The following CLCN3 variants were observed in gnomAD, a reference collection of about 807,000 sequenced individuals.
CLCN3 encodes the protein Cl-/H+ antiporter 3.
Under a neutral mutation model 83.4 loss-of-function variants are expected in CLCN3, and 16 were observed. That is an observed-to-expected ratio of 0.19 (90% CI 0.13 to 0.29). The LOEUF is 0.29. Ranked by LOEUF, CLCN3 falls within the 10% of genes least tolerant of loss-of-function variation. The pLI is 1.00. For missense variants in CLCN3, 544 were observed against 1,006.0 expected (o/e 0.54, Z 6.21); for synonymous variants, 322 against 346.2 (o/e 0.93, Z 0.78).
intron 12 of CLCN3, among the ~76,000 whole-genome samples, chr4:169,718,504 G>T (rs1733510661): frequency 6.6e-6 from 1 of 152,138 alleles, no homozygotes; most frequent in South Asian, 2.1e-4. Context: ...ATTGTACCTA[G>T]ATTATGTGTG....
chr4:169,638,710 C>T (rs559476283), intron 2 of CLCN3, among the ~76,000 whole-genome samples: 1 of 152,260 alleles, frequency 6.6e-6, no homozygotes, highest in Non-Finnish European at 1.5e-5. Context: ...GATGTCTTTA[C>T]TCATGGTCTT....
At position 169,704,159 on chromosome 4, in the gene CLCN3, C is replaced by G. The variant is rs1398528162; in HGVS notation, c.1725C>G (p.Ala575=). 1 of 1,612,990 alleles carries G rather than the reference C, an allele frequency of 6.2e-7. No individual in the cohort carries two copies. The change falls in exon 10 of 13, where the codon GCC becomes GCG. Residue 575 remains alanine, a synonymous_variant. Coordinates refer to ENST00000513761, the MANE Select transcript of CLCN3 (RefSeq NM_001829.4). ...ATTGCATTACACCTGGCCTTTATGC[C>G]ATGGTTGGTGCTGCTGCATGCTTAG... ...GADCITPGLY[A]MVGAAACLGG...
chr4:169,662,983 A>G (rs2150221398), intron 2 of CLCN3: 1 of 152,126 alleles, frequency 6.6e-6, no homozygotes, highest in South Asian at 2.1e-4. Flanking sequence ...AAGATGTTTA[A>G]GTAGTTTTAG....
chr4:169,622,045 TACAG>T (rs1773124015), intron 1 of CLCN3, among the ~76,000 whole-genome samples: 1 of 152,232 alleles, frequency 6.6e-6, no homozygotes, highest in Non-Finnish European at 1.5e-5. Flanking sequence ...CTCTGGTTAA[TACAG>T]ACAGCCACTG....
Position 169,620,751 on chromosome 4 carries a change from A to T in CLCN3, c.-329A>T, listed in dbSNP as rs1347656838. On this transcript the variant is annotated 5_prime_UTR_variant, in exon 1 of 13. It adds an upstream start codon to the 5' untranslated region. Coordinates refer to ENST00000513761, the MANE Select transcript of CLCN3 (RefSeq NM_001829.4). ...GATTCAGTTTTAGTCTTAAGGGGGA[A>T]GTGAGATTGGAGATTTTTATTTTTA... 31 of 398,500 alleles carry T rather than the reference A, an allele frequency of 7.8e-5. 1 individual carries two copies. The Admixed American group carries it at 1.4e-3, about 18-fold the overall frequency. 24.7% of individuals were successfully genotyped at this position (398,500 alleles called of 1,614,324 possible). A position where few individuals can be genotyped will look rare whatever the true frequency, so the allele number is the denominator to read the frequency against.
intron 9 of CLCN3, among the ~76,000 whole-genome samples, chr4:169,701,932 A>G (rs1007834251): frequency 2.6e-5 from 4 of 151,890 alleles, no homozygotes; most frequent in African/African-American, 9.7e-5. Context: ...TGCACAGTGT[A>G]TTTACTGGAG....
chr4:169,697,032 T>C (rs1284696642), intron 8 of CLCN3, among the ~76,000 whole-genome samples, 157 bp from the exon 9 acceptor site: 2 of 152,280 alleles, frequency 1.3e-5, no homozygotes, highest in African/African-American at 2.4e-5. Context: ...AAAATAATAA[T>C]AACATCAATT....
intron 12 of CLCN3, chr4:169,717,837 C>G (rs763128759): frequency 6.2e-7 from 1 of 1,613,050 alleles, no homozygotes; most frequent in African/African-American, 1.3e-5. Flanking sequence ...TAGAGCATCT[C>G]GAGCAACTAA....
At chr4:169,694,951 C>T (rs1001423028) in intron 7 of CLCN3, among the ~76,000 whole-genome samples, 1 of 152,118 alleles carries the variant, frequency 6.6e-6, no homozygotes, top group African/African-American at 2.4e-5. Flanking sequence ...TAGACCATTA[C>T]CAACTGATAG....
Position 169,697,545 on chromosome 4 carries a change from G to A in CLCN3, c.1374G>A (p.Glu458=). ...TRLNTSELIK[E]LFTDCGPLES... is the part of the protein sequence containing the mutation. ...TAAACACCAGTGAACTGATCAAAGA[G>A]CTTTTTACAGACTGTGGTCCCCTGG... Residue 458 remains glutamate (E), a synonymous_variant, in exon 9 of 13, where the codon GAG becomes GAA. Transcript: ENST00000513761. 6.2e-7 allele frequency: 1 copy of A among 1,614,198 alleles called. No individual in the cohort carries two copies.
At chr4:169,680,386 A>T in intron 3 of CLCN3, 179 bp downstream of exon 3, 1 of 524,032 alleles carries the variant, frequency 1.9e-6, no homozygotes, top group Non-Finnish European at 3.4e-6. Flanking sequence ...TAGTTTACTT[A>T]TACCCTGTAA....
At chr4:169,622,722 C>T (rs887567586) in intron 1 of CLCN3, among the ~76,000 whole-genome samples, 6 of 152,114 alleles carry the variant, frequency 3.9e-5, no homozygotes, top group Non-Finnish European at 7.3e-5. Flanking sequence ...CTAACTTGCC[C>T]TACAGTAACT....
intron 3 of CLCN3, 66 bp from the exon 4 acceptor site, chr4:169,687,592 T>C (rs1477004975): frequency 1.1e-5 from 12 of 1,045,090 alleles, no homozygotes; most frequent in Middle Eastern, 3.1e-4. Context: ...GAAAAATTGC[T>C]AGATTCTAGA....
intron 6 of CLCN3, among the ~76,000 whole-genome samples, chr4:169,691,081 C>G (rs1487953305): frequency 6.6e-6 from 1 of 152,132 alleles, no homozygotes; most frequent in African/African-American, 2.4e-5. Flanking sequence ...TCACTGCAAC[C>G]TCTGCGTCCC....
At chr4:169,637,608 C>G (rs1239350420) in intron 2 of CLCN3, among the ~76,000 whole-genome samples, 1 of 151,652 alleles carries the variant, frequency 6.6e-6, no homozygotes, top group South Asian at 2.1e-4. Context: ...ACAACAACAA[C>G]AAAAACTTTT....
At chr4:169,703,825 C>G (rs983955188) in intron 9 of CLCN3, among the ~76,000 whole-genome samples, 173 bp from the exon 10 acceptor site, 2 of 151,976 alleles carry the variant, frequency 1.3e-5, no homozygotes, top group African/African-American at 4.8e-5. Flanking sequence ...TAACTGAATT[C>G]ATGGGATTGT....
At chr4:169,711,155 G>C (rs186365357) in intron 11 of CLCN3, among the ~76,000 whole-genome samples, 1 of 151,982 alleles carries the variant, frequency 6.6e-6, no homozygotes, top group Non-Finnish European at 1.5e-5. Context: ...TTACTCCCCC[G>C]TCCACATTTT....
At position 169,697,480 on chromosome 4, in the gene CLCN3, A is replaced by C; in HGVS notation, c.1309A>C (p.Ile437Leu). Reference protein sequence around the residue: ...PVLEVIIVAAITAVIAFPNPY... With the variant: ...PVLEVIIVAALTAVIAFPNPY... ...TCTGGAAGTCATTATTGTTGCAGCCATTACTGCTGTGATAGCCTTCCCTAA... is the reference window on the plus strand; with the variant it reads ...TCTGGAAGTCATTATTGTTGCAGCCCTTACTGCTGTGATAGCCTTCCCTAA... Residue 437 changes from isoleucine to leucine, a missense_variant, in exon 9 of 13, where the codon ATT becomes CTT. Ile to Leu is a conservative substitution (Grantham distance 5). Transcript: ENST00000513761. 1.9e-6 allele frequency: 3 copies of C among 1,614,234 alleles called. No homozygotes were observed.
chr4:169,693,742 A>G (rs1236724309), intron 7 of CLCN3, among the ~76,000 whole-genome samples: 2 of 152,202 alleles, frequency 1.3e-5, no homozygotes, highest in African/African-American at 4.8e-5. Flanking sequence ...TTTTTTGGTA[A>G]GACTTTTACT....
Sources: allele counts gnomAD v4.1 joint callset (sites outside exome capture counted in the v4.1 genomes callset), GRCh38; gene constraint gnomAD v4.1.1; transcripts MANE v1.5; gene names NCBI Gene and HGNC (gene_info 2026-07-23, HGNC 2026-07-21).